STAU2: variants seen among roughly 807,000 people sequenced by gnomAD.
STAU2 encodes staufen double-stranded RNA binding protein 2.
In STAU2, 20 loss-of-function variants were observed where a neutral mutation model predicts 65.9. That is an observed-to-expected ratio of 0.30 (90% CI 0.21 to 0.44). The LOEUF (loss-of-function observed/expected upper bound fraction) is 0.44. Ranked by LOEUF, STAU2 falls within the 20% of genes least tolerant of loss-of-function variation. STAU2 has a pLI of 1.00. For synonymous variants in STAU2, 232 were observed against 233.9 expected, an observed-to-expected ratio of 0.99 and a Z score of 0.07; for missense variants, 558 against 683.9, an observed-to-expected ratio of 0.82 and a Z score of 2.05.
intron 12 of STAU2, among the ~76,000 whole-genome samples, chr8:73,573,096 T>C (rs10957674): frequency 0.34 from 51,421 of 152,018 alleles, 10,015 homozygotes; most frequent in Non-Finnish European, 0.44. Flanking sequence ...CAAGCATTCC[T>C]ATACACCAGT....
chr8:73,545,635 CTT>C (rs59727847), intron 13 of STAU2, among the ~76,000 whole-genome samples: 14 of 136,886 alleles, frequency 1.0e-4, no homozygotes, highest in Admixed American at 2.9e-4. Context: ...AGTCAGAATT[CTT>C]TTTTTTTTTT....
At chr8:73,594,813 C>T (rs1172368727) in intron 11 of STAU2, among the ~76,000 whole-genome samples, 1 of 152,138 alleles carries the variant, frequency 6.6e-6, no homozygotes, top group Non-Finnish European at 1.5e-5. Context: ...CCAGTGTTTT[C>T]AGCTGTATTC....
chr8:73,491,580 A>T (rs1821157561), intron 13 of STAU2, among the ~76,000 whole-genome samples: 1 of 151,962 alleles, frequency 6.6e-6, no homozygotes. Flanking sequence ...ATATTTTTTA[A>T]ATGTGTACTT....
intron 6 of STAU2, among the ~76,000 whole-genome samples, chr8:73,637,602 A>G (rs1814644579): frequency 6.6e-6 from 1 of 151,924 alleles, no homozygotes; most frequent in African/African-American, 2.4e-5. Context: ...TCAGTAAACA[A>G]AAATTCAGAG....
intron 13 of STAU2, among the ~76,000 whole-genome samples, chr8:73,502,377 C>T (rs60542710): frequency 0.025 from 3,843 of 151,994 alleles, 156 homozygotes; most frequent in African/African-American, 0.087. Context: ...TCTTGACTTC[C>T]CCTGACCCAC....
At chr8:73,687,357 A>AT (rs1818973507) in intron 5 of STAU2, among the ~76,000 whole-genome samples, 3 of 4,280 alleles carry the variant, frequency 7.0e-4, no homozygotes, top group African/African-American at 2.1e-3. Context: ...TAATTTATAT[A>AT]ATATAAATAT....
rs746632935 is a variant in STAU2 at position 73,462,450 on chromosome 8, T to C, written c.1531-39748A>G. Among the ~76,000 whole-genome samples, 10 of 149,238 alleles carry C rather than the reference T, an allele frequency of 6.7e-5. No homozygotes were observed. In the East Asian group the frequency reaches 1.2e-3, roughly 18 times the overall value. On this transcript the variant is annotated intron_variant, in intron 13 of 14. Transcript: ENST00000524300. Reference sequence around the variant, plus strand: ...TCGCTCTGTCACCCAGGCTGGACTTTAGTGGCATGATCATGGCCCACTGCA... The same window carrying C: ...TCGCTCTGTCACCCAGGCTGGACTTCAGTGGCATGATCATGGCCCACTGCA...
At chr8:73,687,470 TA>T (rs1203236881) in intron 5 of STAU2, among the ~76,000 whole-genome samples, 2 of 135,020 alleles carry the variant, frequency 1.5e-5, no homozygotes, top group African/African-American at 5.5e-5. Context: ...TAAAATAAAA[TA>T]TATATAATTA....
intron 13 of STAU2, among the ~76,000 whole-genome samples, chr8:73,500,885 G>C (rs928055668): frequency 1.3e-5 from 2 of 151,800 alleles, no homozygotes; most frequent in Admixed American, 1.3e-4. Context: ...GCTAAACAAG[G>C]AGATGAATGG....
chr8:73,544,831 G>A (rs1806792221), intron 13 of STAU2, among the ~76,000 whole-genome samples: 2 of 152,184 alleles, frequency 1.3e-5, no homozygotes, highest in South Asian at 4.1e-4. Context: ...AGACCATTGT[G>A]TAATGTTTGA....
chr8:73,618,475 G>A (rs1030668715), intron 6 of STAU2, among the ~76,000 whole-genome samples: 3 of 152,140 alleles, frequency 2.0e-5, no homozygotes, highest in Non-Finnish European at 2.9e-5. Context: ...CAAGTAACTC[G>A]GAGGAAGCCT....
rs578063071 is a variant in STAU2 at position 73,593,706 on chromosome 8, C to T, written c.1161+1460G>A. ...GCTGAAGGGCCTGAACAGAACAAAA[C>T]GCTGACCTCCCTGGGCAAGTGGGAA... is the stretch of plus-strand genomic sequence containing the variant. On this transcript the variant is annotated intron_variant, in intron 11 of 14. Transcript: ENST00000524300. Among the ~76,000 whole-genome samples the T allele has an allele frequency of 1.7e-4, 26 of 152,218 alleles. 1 individual carries two copies. The highest frequency in any genetic ancestry group is 6.0e-4 in the African/African-American group (25 of 41,540).
At position 73,688,759 on chromosome 8, in the gene STAU2, T is replaced by C; in HGVS notation, c.169A>G (p.Ser57Gly). Residue 57 changes from serine (S) to glycine (G), a missense_variant, in exon 5 of 15, where the codon AGT (serine) becomes GGT (glycine). By Grantham distance (56) the Ser-to-Gly change is moderately conservative. Around this residue, in one of 3 missense-constraint regions of STAU2, gnomAD observed 112 missense variants for 114.2 expected, o/e 0.98. Coordinates refer to ENST00000524300, the MANE Select transcript of STAU2 (RefSeq NM_001164380.2). ...GEQTWESEGSSIKKAQQAVAN... is the reference protein window; with the variant it reads ...GEQTWESEGSGIKKAQQAVAN... The stretch of plus-strand genomic sequence containing the variant: ...ACAGCCTGCTGAGCCTTCTTTATAC[T>C]GCTGCCTTCGGATTCCCATGTCTGC... 2 of 1,614,200 alleles carry C rather than the reference T, an allele frequency of 1.2e-6. No homozygotes were observed. Among genetic ancestry groups the C allele is most frequent in the Non-Finnish European group, 1.7e-6 (2 of 1,180,038 alleles).
intron 6 of STAU2, chr8:73,652,217 G>A (rs1489752375): frequency 1.3e-5 from 2 of 152,054 alleles, no homozygotes; most frequent in Admixed American, 1.3e-4. Flanking sequence ...TCAAACTCAG[G>A]CAGATAATTT....
chr8:73,482,357 C>CT (rs1016577475), intron 13 of STAU2, among the ~76,000 whole-genome samples: 2 of 151,702 alleles, frequency 1.3e-5, no homozygotes, highest in South Asian at 2.1e-4. Context: ...AAAAAACTGT[C>CT]TTTTTTTTAG....
At chr8:73,568,388 G>A (rs1430170779) in intron 12 of STAU2, among the ~76,000 whole-genome samples, 3 of 152,274 alleles carry the variant, frequency 2.0e-5, no homozygotes, top group Middle Eastern at 3.4e-3. Context: ...ATGACTTCAG[G>A]CCAGGAGTTT....
At chr8:73,672,973 T>C in intron 6 of STAU2, 134 bp downstream of exon 6, 1 of 788,086 alleles carries the variant, frequency 1.3e-6, no homozygotes, top group Non-Finnish European at 1.8e-6. Context: ...CTTGTGAACC[T>C]GCTTTATCTA....
At chr8:73,699,860 CAAAA>C (rs201419278) in intron 4 of STAU2, among the ~76,000 whole-genome samples, 3 of 88,878 alleles carry the variant, frequency 3.4e-5, no homozygotes, top group African/African-American at 4.2e-5. Flanking sequence ...AAACACACAT[CAAAA>C]AAAAAAAAAA....
chr8:73,481,736 C>T (rs1194860965), intron 13 of STAU2, among the ~76,000 whole-genome samples: 1 of 152,026 alleles, frequency 6.6e-6, no homozygotes, highest in Non-Finnish European at 1.5e-5. Flanking sequence ...GAATTTTTAG[C>T]TGTGATTCTT....
Sources: gnomAD v4.1 joint callset for allele counts (sites outside exome capture counted in the v4.1 genomes callset) on GRCh38, gnomAD v4.1.1 for gene constraint, gnomAD v4.1.1 regional missense constraint, MANE v1.5 for transcripts, NCBI Gene and HGNC (gene_info 2026-07-23, HGNC 2026-07-21) for gene names.